The following ZKSCAN1 variants were observed in gnomAD, a reference collection of about 807,000 sequenced individuals.
ZKSCAN1 encodes the protein zinc finger protein with KRAB and SCAN domains 1.
A neutral mutation model predicts 51.6 loss-of-function variants in ZKSCAN1; 14 were observed. The ratio of observed to expected loss-of-function variants is 0.27; its 90% CI spans 0.18 to 0.42. The LOEUF is 0.42. Among genes scored for constraint, ZKSCAN1 ranks in the 10% least tolerant of loss-of-function variants. The probability of loss-of-function intolerance (pLI) is 1.00; values close to 1 mark genes in which losing one functional copy is unlikely to be tolerated. For synonymous variants in ZKSCAN1, 263 were observed against 261.5 expected (o/e 1.01, Z -0.06); for missense variants, 531 against 710.0 (o/e 0.75, Z 2.86).
downstream of ZKSCAN1, among the ~76,000 whole-genome samples, chr7:100,042,985 A>G (rs1791638442): frequency 6.6e-6 from 1 of 151,828 alleles, no homozygotes; most frequent in African/African-American, 2.4e-5. Context: ...ATGTTTTAGT[A>G]GAGACGGGGT....
chr7:100,034,693 T>A lies in ZKSCAN1; in HGVS notation c.*496T>A, dbSNP rs978291427. The A allele has an allele frequency of 7.0e-5, 26 of 373,998 alleles. No homozygotes were observed. The highest frequency in any genetic ancestry group is 3.7e-6 in the Non-Finnish European group (1 of 269,684). The allele number at this position is 373,998 out of a possible 1,614,324, so 23.2% of individuals were successfully genotyped here. On this transcript the variant is annotated 3_prime_UTR_variant, in exon 6 of 6. Transcript: ENST00000324306. ...TGGGACATGCTGCTCAAGGTAGTTA[T>A]ATATACGATAAGTTGTATATATGAT...
In ZKSCAN1 at chr7:100,033,550, G is replaced by A; in HGVS notation, c.1045G>A (p.Glu349Lys). ...CATCACAGGAGAGAGAGGTCCAAGG[G>A]AGAAGGGGAAAGGATTGGGAAGAAG... ...KTITGERGPREKGKGLGRSFS... is the reference protein window; with the variant it reads ...KTITGERGPRKKGKGLGRSFS... Residue 349 changes from glutamate (E) to lysine (K), a missense_variant, in exon 6 of 6, where the codon GAG (glutamate) becomes AAG (lysine). Physicochemically the swap from Glu to Lys is moderately conservative, Grantham distance 56. Around this residue, in one of 2 missense-constraint regions of ZKSCAN1, gnomAD observed 403 missense variants for 490.5 expected, o/e 0.82. Coordinates refer to ENST00000324306, the MANE Select transcript of ZKSCAN1 (RefSeq NM_003439.4). This position sits in a 1 kb window ranked among gnomAD's most constrained non-coding sequence, Gnocchi z 4.1. 1 of 1,614,146 alleles carries A rather than the reference G, an allele frequency of 6.2e-7. No individual in the cohort carries two copies. The highest frequency in any genetic ancestry group is 8.5e-7 in the Non-Finnish European group (1 of 1,180,030).
chr7:100,041,588 A>G lies in ZKSCAN1; in HGVS notation c.*7391A>G, dbSNP rs1275907732. On this transcript the variant is annotated 3_prime_UTR_variant, in exon 6 of 6. Coordinates refer to ENST00000324306, the MANE Select transcript of ZKSCAN1 (RefSeq NM_003439.4). ...CGTCTGATAAAGAAATGTTAAGAGT[A>G]GTGAGGTTGAGGAAGGAAATTGTGG... 3.0e-6 allele frequency: 3 copies of G among 985,336 alleles called. No homozygotes were observed. The highest frequency in any genetic ancestry group is 6.2e-5 in the Admixed American group (1 of 16,260). 61.0% of individuals were successfully genotyped at this position (985,336 alleles called of 1,614,324 possible).
Position 100,035,866 on chromosome 7 carries a change from A to T in ZKSCAN1, c.*1669A>T. Reference sequence around the variant, plus strand: ...ACACACAGGAGATTGTGAGCTGTGTAAGTAGTCATCGCCACTCAAGTAGGA... The same window carrying T: ...ACACACAGGAGATTGTGAGCTGTGTTAGTAGTCATCGCCACTCAAGTAGGA... On this transcript the variant is annotated 3_prime_UTR_variant, in exon 6 of 6. Transcript: ENST00000324306. The T allele has an allele frequency of 1.0e-6, 1 of 985,374 alleles. No individual in the cohort carries two copies. Among genetic ancestry groups the T allele is most frequent in the African/African-American group, 1.7e-5 (1 of 57,330 alleles). The allele number at this position is 985,374 out of a possible 1,614,324, so 61.0% of individuals were successfully genotyped here.
At chr7:100,030,744 G>A (rs527258376) in intron 5 of ZKSCAN1, among the ~76,000 whole-genome samples, 6 of 152,238 alleles carry the variant, frequency 3.9e-5, no homozygotes, top group Admixed American at 1.3e-4. Flanking sequence ...ATGACCAGGC[G>A]AACTGATCAT....
At position 100,035,842 on chromosome 7, in the gene ZKSCAN1, C is replaced by T. The variant is rs946735806; in HGVS notation, c.*1645C>T. 1 of 985,332 alleles carries T rather than the reference C, an allele frequency of 1.0e-6. No homozygotes were observed. Among genetic ancestry groups the T allele is most frequent in the Non-Finnish European group, 1.2e-6 (1 of 829,914 alleles). The allele number at this position is 985,332 out of a possible 1,614,324, so 61.0% of individuals were successfully genotyped here. On this transcript the variant is annotated 3_prime_UTR_variant, in exon 6 of 6. Transcript: ENST00000324306. Reference sequence around the variant, plus strand: ...AAGCTGATGGCAGGAGACTGTTTCACACACAGGAGATTGTGAGCTGTGTAA... The same window carrying T: ...AAGCTGATGGCAGGAGACTGTTTCATACACAGGAGATTGTGAGCTGTGTAA...
Position 100,040,755 on chromosome 7 carries a change from T to C in ZKSCAN1, c.*6558T>C. 1 of 985,472 alleles carries C rather than the reference T, an allele frequency of 1.0e-6. No homozygotes were observed. Among genetic ancestry groups the C allele is most frequent in the Non-Finnish European group, 1.2e-6 (1 of 829,966 alleles). The allele number at this position is 985,472 out of a possible 1,614,324, so 61.0% of individuals were successfully genotyped here. A position where few individuals can be genotyped will look rare whatever the true frequency, so the allele number is the denominator to read the frequency against. ...AAAGGCTGTTGGGGTGTGCTGGGGT[T>C]GGTACCCGAGCGCCTTCCCCTCACC... On this transcript the variant is annotated 3_prime_UTR_variant, in exon 6 of 6. Coordinates refer to ENST00000324306, the MANE Select transcript of ZKSCAN1 (RefSeq NM_003439.4).
intron 1 of ZKSCAN1, among the ~76,000 whole-genome samples, chr7:100,021,749 T>C (rs562380224): frequency 6.6e-6 from 1 of 151,674 alleles, no homozygotes; most frequent in African/African-American, 2.4e-5. Flanking sequence ...TTTTTTTTTT[T>C]TTTTTTCCTT....
At position 100,029,878 on chromosome 7, in the gene ZKSCAN1, A is replaced by C. The variant is rs1791029991; in HGVS notation, c.598A>C (p.Ile200Leu). The change falls in exon 4 of 6, where the codon ATT becomes CTT. Residue 200 changes from isoleucine to leucine, a missense_variant. This residue lies in a region of ZKSCAN1 where 403 missense variants were observed against 490.5 expected (regional missense o/e 0.82). Transcript: ENST00000324306. ...TCCCCCAGCTCTTCCTGCTGCCCAC[A>C]TTCCTGCACCCCCTCATGAGGGTAG... The part of the protein sequence containing the change: ...LQSRALPAAH[I>L]PAPPHEGSPR... 8.7e-6 allele frequency: 14 copies of C among 1,613,888 alleles called. No individual in the cohort carries two copies. The East Asian group carries it at 3.1e-4, about 36-fold the overall frequency.
chr7:100,016,481 A>G (rs1227452229), intron 1 of ZKSCAN1, among the ~76,000 whole-genome samples: 1 of 152,194 alleles, frequency 6.6e-6, no homozygotes, highest in Non-Finnish European at 1.5e-5. Flanking sequence ...GCACTGTGTC[A>G]CTAGGAGACT....
rs1408771650 is a variant in ZKSCAN1 at position 100,040,081 on chromosome 7, T to C, written c.*5884T>C. On this transcript the variant is annotated 3_prime_UTR_variant, in exon 6 of 6. Transcript: ENST00000324306. ...GAAAATGAAATTATCTGTTTTACTT[T>C]TCAAAGCTTTGTGAAACAAACTTGA... is the stretch of plus-strand genomic sequence containing the variant. The C allele has an allele frequency of 5.5e-6, 5 of 912,258 alleles. No homozygotes were observed. The highest frequency in any genetic ancestry group is 6.5e-6 in the Non-Finnish European group (5 of 763,586). The allele number at this position is 912,258 out of a possible 1,614,324, so 56.5% of individuals were successfully genotyped here.
At chr7:100,030,752 C>G (rs1415649037) in intron 5 of ZKSCAN1, among the ~76,000 whole-genome samples, 3 of 152,138 alleles carry the variant, frequency 2.0e-5, no homozygotes, top group African/African-American at 7.2e-5. Flanking sequence ...GCGAACTGAT[C>G]ATCCGTCTAA....
chr7:100,042,692 T>C (rs184820577), downstream of ZKSCAN1, among the ~76,000 whole-genome samples: 778 of 151,910 alleles, frequency 5.1e-3, 5 homozygotes, highest in African/African-American at 0.018. Context: ...CATATATATT[T>C]TTATTATATA....
Position 100,041,217 on chromosome 7 carries a change from T to G in ZKSCAN1, c.*7020T>G. 1 of 784,878 alleles carries G rather than the reference T, an allele frequency of 1.3e-6. No homozygotes were observed. The highest frequency in any genetic ancestry group is 5.8e-5 in the South Asian group (1 of 17,326). The allele number at this position is 784,878 out of a possible 1,614,324, so 48.6% of individuals were successfully genotyped here. On this transcript the variant is annotated 3_prime_UTR_variant, in exon 6 of 6. Transcript: ENST00000324306. ...AATTAGACCAAAAGAAGAAACGTGCTTGTCTCTGTATACCCGCAGAATGAA... is the reference window on the plus strand; with the variant it reads ...AATTAGACCAAAAGAAGAAACGTGCGTGTCTCTGTATACCCGCAGAATGAA...
downstream of ZKSCAN1, among the ~76,000 whole-genome samples, chr7:100,044,138 C>T (rs1660968723): frequency 6.6e-6 from 1 of 152,094 alleles, no homozygotes; most frequent in South Asian, 2.1e-4. Context: ...ATCCCCCAGG[C>T]GATGTCTGAT....
At position 100,034,006 on chromosome 7, in the gene ZKSCAN1, A is replaced by T; in HGVS notation, c.1501A>T (p.Asn501Tyr). 6.2e-7 allele frequency: 1 copy of T among 1,614,200 alleles called. No individual in the cohort carries two copies. Among genetic ancestry groups the T allele is most frequent in the Non-Finnish European group, 8.5e-7 (1 of 1,180,032 alleles). Residue 501 changes from asparagine (N) to tyrosine (Y), a missense_variant, in exon 6 of 6, where the codon AAC becomes TAC. This residue lies in a region of ZKSCAN1 where 128 missense variants were observed against 219.5 expected (regional missense o/e 0.58). Transcript: ENST00000324306. ...CSECGKAFNR[N>Y]SYLILHRRIH... The stretch of plus-strand genomic sequence containing the variant: ...TGAATGTGGAAAAGCTTTCAACCGA[A>T]ACTCATACCTGATTTTGCATCGGAG...
intron 3 of ZKSCAN1, among the ~76,000 whole-genome samples, chr7:100,028,421 G>A (rs1348463948): frequency 6.6e-6 from 1 of 152,166 alleles, no homozygotes; most frequent in Non-Finnish European, 1.5e-5. Context: ...GACCAAGGTG[G>A]GAGGATCACT....
chr7:100,016,420 G>A (rs1790368552), intron 1 of ZKSCAN1, among the ~76,000 whole-genome samples: 1 of 152,138 alleles, frequency 6.6e-6, no homozygotes, highest in African/African-American at 2.4e-5. Flanking sequence ...CTGGATAGTT[G>A]CTCTGTTTGA....
chr7:100,017,902 A>C (rs972978395), intron 1 of ZKSCAN1, among the ~76,000 whole-genome samples: 5 of 152,220 alleles, frequency 3.3e-5, no homozygotes, highest in Non-Finnish European at 7.3e-5. Flanking sequence ...CCATTGCTTA[A>C]TCTTCTAAGC....
Sources: allele counts gnomAD v4.1 joint callset (sites outside exome capture counted in the v4.1 genomes callset), GRCh38; gene constraint gnomAD v4.1.1; regional missense constraint gnomAD v4.1.1; non-coding constraint Gnocchi (gnomAD v3.1); transcripts MANE v1.5; gene names NCBI Gene and HGNC (gene_info 2026-07-23, HGNC 2026-07-21).